Variants in DSCAM observed in about 807,000 individuals in gnomAD.
DSCAM encodes the protein cell adhesion molecule DSCAM.
A neutral mutation model predicts 217.7 loss-of-function variants in DSCAM; 47 were observed. The ratio of observed to expected loss-of-function variants is 0.22; its 90% CI spans 0.17 to 0.28. DSCAM has a LOEUF of 0.28. DSCAM is among the 10% of genes least tolerant of loss of function. The pLI is 1.00. For synonymous variants in DSCAM, 1,056 were observed against 1,015.3 expected (o/e 1.04, Z -0.76); for missense variants, 2,080 against 2,618.3 (o/e 0.79, Z 4.49).
intron 3 of DSCAM, among the ~76,000 whole-genome samples, chr21:40,627,400 T>G (rs2089616199): frequency 6.6e-6 from 1 of 152,172 alleles, no homozygotes; most frequent in South Asian, 2.1e-4. Context: ...CCACCCCCAC[T>G]ATATGAGTAA....
intron 3 of DSCAM, among the ~76,000 whole-genome samples, chr21:40,426,684 C>T (rs1426930220): frequency 6.6e-6 from 1 of 152,182 alleles, no homozygotes; most frequent in African/African-American, 2.4e-5. Flanking sequence ...AGAGGCATAA[C>T]TCAAAGGGCT....
intron 3 of DSCAM, among the ~76,000 whole-genome samples, chr21:40,386,714 C>T (rs774579035): frequency 6.6e-6 from 1 of 152,206 alleles, no homozygotes; most frequent in African/African-American, 2.4e-5. Context: ...GATAGAAACT[C>T]GTGATCAGCA....
chr21:40,708,345 T>C, intron 2 of DSCAM, 109 bp downstream of exon 2: 1 of 921,162 alleles, frequency 1.1e-6, no homozygotes, highest in Non-Finnish European at 1.5e-6. Context: ...GAACTGATGA[T>C]GGGGTTTTCA....
At chr21:40,140,145 C>A (rs115440614) in intron 18 of DSCAM, among the ~76,000 whole-genome samples, 1 of 152,040 alleles carries the variant, frequency 6.6e-6, no homozygotes, top group African/African-American at 2.4e-5. Flanking sequence ...CGTGAACTGA[C>A]CTGCCTCATA....
intron 32 of DSCAM, among the ~76,000 whole-genome samples, chr21:40,025,350 T>C (rs974422695): frequency 6.9e-6 from 1 of 144,578 alleles, no homozygotes; most frequent in African/African-American, 2.7e-5. Flanking sequence ...GTTGTGTCTC[T>C]GCCTGGCTTT....
intron 8 of DSCAM, among the ~76,000 whole-genome samples, chr21:40,330,956 C>T (rs148692327): frequency 1.2e-4 from 18 of 152,048 alleles, no homozygotes; most frequent in African/African-American, 1.9e-4. Flanking sequence ...ATTCCCAAGT[C>T]GTTGTTGAAA....
chr21:40,391,131 G>A (rs1278051019), intron 3 of DSCAM, among the ~76,000 whole-genome samples: 1 of 152,100 alleles, frequency 6.6e-6, no homozygotes, highest in Non-Finnish European at 1.5e-5. Flanking sequence ...ATCCCTGAAG[G>A]TCCAACCATA....
At chr21:40,504,607 G>C (rs980191248) in intron 3 of DSCAM, among the ~76,000 whole-genome samples, 2 of 152,120 alleles carry the variant, frequency 1.3e-5, no homozygotes, top group Admixed American at 1.3e-4. Context: ...TAGGCGATGC[G>C]AAAGGCTCAA....
At chr21:40,241,915 AT>A (rs1360739244) in intron 11 of DSCAM, among the ~76,000 whole-genome samples, 1 of 152,184 alleles carries the variant, frequency 6.6e-6, no homozygotes, top group Non-Finnish European at 1.5e-5. Context: ...CACATGCCAC[AT>A]GTTATCACTT....
At chr21:40,290,269 C>T (rs2073875035) in intron 10 of DSCAM, among the ~76,000 whole-genome samples, 1 of 152,116 alleles carries the variant, frequency 6.6e-6, no homozygotes, top group Admixed American at 6.6e-5. Flanking sequence ...TAAATAGATG[C>T]ACCACATCTA....
At chr21:40,365,312 C>T (rs1158821097) in intron 4 of DSCAM, among the ~76,000 whole-genome samples, 1 of 152,154 alleles carries the variant, frequency 6.6e-6, no homozygotes, top group Non-Finnish European at 1.5e-5. Context: ...TGGCTTAGTC[C>T]TCCAGCCTAC....
intron 3 of DSCAM, among the ~76,000 whole-genome samples, chr21:40,640,412 C>A (rs1289273888): frequency 2.6e-5 from 4 of 152,176 alleles, no homozygotes; most frequent in Non-Finnish European, 5.9e-5. Flanking sequence ...AACCCTAACA[C>A]CCCTCCCTGA....
intron 9 of DSCAM, among the ~76,000 whole-genome samples, chr21:40,302,862 G>T (rs955151628): frequency 2.0e-5 from 3 of 152,114 alleles, no homozygotes; most frequent in Non-Finnish European, 4.4e-5. Context: ...GTGTGTTGGT[G>T]GGGGGTGGAT....
intron 1 of DSCAM, among the ~76,000 whole-genome samples, chr21:40,809,333 T>C (rs1191453924): frequency 1.3e-5 from 2 of 152,112 alleles, no homozygotes; most frequent in Non-Finnish European, 2.9e-5. Context: ...ATAAAGAAAG[T>C]AGACAGAAGC....
intron 29 of DSCAM, 73 bp from the exon 30 acceptor site, chr21:40,052,180 C>A: frequency 6.5e-7 from 1 of 1,526,812 alleles, no homozygotes; most frequent in Admixed American, 1.9e-5. Flanking sequence ...CCTTTTCTCT[C>A]CTGAGGCACT....
chr21:40,767,154 G>A (rs558619259), intron 1 of DSCAM, among the ~76,000 whole-genome samples: 4 of 152,168 alleles, frequency 2.6e-5, no homozygotes, highest in African/African-American at 7.2e-5. Flanking sequence ...CTGTGGGAGG[G>A]GTGTGTTTGG....
intron 8 of DSCAM, among the ~76,000 whole-genome samples, chr21:40,331,051 C>T (rs1465448615): frequency 5.3e-5 from 8 of 152,140 alleles, no homozygotes; most frequent in Admixed American, 5.2e-4. Flanking sequence ...TTAACCATTG[C>T]TCCACTTTAA....
rs78072558 is a variant in DSCAM at position 40,544,147 on chromosome 21, T to A, written c.508+148663A>T. Among the ~76,000 whole-genome samples, 209 of 152,226 alleles carry A rather than the reference T, an allele frequency of 1.4e-3. 1 individual carries two copies. Among genetic ancestry groups the A allele is most frequent in the Non-Finnish European group, 2.5e-3 (170 of 68,022 alleles). On this transcript the variant is annotated intron_variant, in intron 3 of 32. Coordinates refer to ENST00000400454, the MANE Select transcript of DSCAM (RefSeq NM_001389.5). Reference sequence around the variant, plus strand: ...GGAGGGCAGGGGAGAAGCTTCATAATACAGGCAGGTGGGCTGAAAATAACT... The same window carrying A: ...GGAGGGCAGGGGAGAAGCTTCATAAAACAGGCAGGTGGGCTGAAAATAACT...
intron 3 of DSCAM, among the ~76,000 whole-genome samples, chr21:40,667,579 C>T (rs1323468946): frequency 6.6e-6 from 1 of 152,126 alleles, no homozygotes; most frequent in African/African-American, 2.4e-5. Flanking sequence ...TTGTAGTTCC[C>T]ATAATCCCCA....
Sources: gnomAD v4.1 joint callset for allele counts (sites outside exome capture counted in the v4.1 genomes callset) on GRCh38, gnomAD v4.1.1 for gene constraint, MANE v1.5 for transcripts, NCBI Gene and HGNC (gene_info 2026-07-23, HGNC 2026-07-21) for gene names.